Variants in THAP5 observed in about 807,000 individuals in gnomAD.
THAP5 encodes THAP domain containing 5, also known as THAP domain-containing protein 5.
In THAP5, 26 loss-of-function variants were observed where a neutral mutation model predicts 34.0. That is an observed-to-expected ratio of 0.77 (90% confidence interval 0.56 to 1.06). The LOEUF is 1.06. Among genes scored for constraint, THAP5 ranks in the 50% least tolerant of loss-of-function variants. THAP5 has a pLI of 0.00. For synonymous variants in THAP5, 125 were observed against 153.0 expected, an observed-to-expected ratio of 0.82 and a Z score of 1.35; for missense variants, 394 against 452.8, an observed-to-expected ratio of 0.87 and a Z score of 1.18.
chr7:108,543,756 AT>A, the THAP5 span, among the ~76,000 whole-genome samples: 9 of 151,948 alleles, frequency 5.9e-5, no homozygotes, highest in Middle Eastern at 0.01. Context: ...GGTTGGCCCT[AT>A]TTTTTTTATC....
rs745348876 is a variant in THAP5, at chr7:108,565,081, AT to A, written c.297del (p.Lys99AsnfsTer25). On this transcript the variant is annotated frameshift_variant, in exon 3 of 3. Coordinates refer to ENST00000415914, the MANE Select transcript of THAP5 (RefSeq NM_001130475.3). LOFTEE classifies it high-confidence loss of function. ...TCATCTTCCAAGTTTTTCTTCTGGG[AT>A]TTTTTTTTAGAAGGGTCTTTTCCCT... ...DNQGKDPSKKKSQKKNLEDEK... is the reference protein window; with the variant it reads ...DNQGKDPSKKXSQKKNLEDEK... The A allele has an allele frequency of 1.0e-4, 154 of 1,505,718 alleles. No individual in the cohort carries two copies. The highest frequency in any genetic ancestry group is 6.9e-4 in the Middle Eastern group (4 of 5,758). The allele number at this position is 1,505,718 out of a possible 1,614,324, so 93.3% of individuals were successfully genotyped here.
At chr7:108,555,968 G>C (rs1390797867) in intron 1 of THAP5, among the ~76,000 whole-genome samples, 1 of 152,144 alleles carries the variant, frequency 6.6e-6, no homozygotes, top group African/African-American at 2.4e-5. Flanking sequence ...CTCCCAAAGT[G>C]CTGGGATTAC....
chr7:108,558,066 G>A (rs566209285), downstream of THAP5, among the ~76,000 whole-genome samples: 7 of 151,978 alleles, frequency 4.6e-5, no homozygotes, highest in East Asian at 3.9e-4. Flanking sequence ...ACCACATCTC[G>A]TGGAAACTCA....
chr7:108,565,911 G>C lies in THAP5; in HGVS notation c.192C>G (p.Asp64Glu). The C allele has an allele frequency of 1.3e-6, 2 of 1,550,410 alleles. No individual in the cohort carries two copies. The highest frequency in any genetic ancestry group is 1.7e-6 in the Non-Finnish European group (2 of 1,146,810). ...QFLCSDHFTP[D>E]SLDIRWGIRY... The stretch of plus-strand genomic sequence containing the variant: ...GAATACCCCATCTGATGTCAAGAGA[G>C]TCAGGAGTAAAATGGTCACTACATA... The change falls in exon 2 of 3, where the codon GAC becomes GAG. Residue 64 changes from aspartate (D) to glutamate (E), a missense_variant. Physicochemically the swap from Asp to Glu is conservative, Grantham distance 45. Coordinates refer to ENST00000415914, the MANE Select transcript of THAP5 (RefSeq NM_001130475.3).
At chr7:108,553,540 AC>A (rs538754089), downstream of THAP5, among the ~76,000 whole-genome samples, 47 of 152,194 alleles carry the variant, frequency 3.1e-4, no homozygotes, top group Non-Finnish European at 3.4e-4. Context: ...GAAATTTTGA[AC>A]CTTTGTTTCC....
chr7:108,566,290 A>T (rs1267971351), intron 1 of THAP5, among the ~76,000 whole-genome samples: 1 of 152,194 alleles, frequency 6.6e-6, no homozygotes, highest in Non-Finnish European at 1.5e-5. Context: ...CAAGTAAAAT[A>T]TATGTGTTCC....
At chr7:108,553,240 G>A (rs1390723157), downstream of THAP5, among the ~76,000 whole-genome samples, 1 of 151,618 alleles carries the variant, frequency 6.6e-6, no homozygotes, top group Non-Finnish European at 1.5e-5. Flanking sequence ...ACAGGGTCTC[G>A]CTATGTTGCC....
the THAP5 span, among the ~76,000 whole-genome samples, chr7:108,546,827 G>T: frequency 6.6e-6 from 1 of 152,106 alleles, no homozygotes; most frequent in Non-Finnish European, 1.5e-5. Context: ...CTAGTAATGT[G>T]CTTCTACCTC....
At chr7:108,554,626 C>T (rs1564007692) in exon 2 of THAP5, 1 of 152,154 alleles carries the variant, frequency 6.6e-6, no homozygotes, top group Non-Finnish European at 1.5e-5. Flanking sequence ...CTATGGTAAG[C>T]AATTTCAGTG....
At chr7:108,546,110 T>C in the THAP5 span, among the ~76,000 whole-genome samples, 3 of 152,196 alleles carry the variant, frequency 2.0e-5, no homozygotes, top group Non-Finnish European at 2.9e-5. Flanking sequence ...ATAGTACTTA[T>C]TAAATAGCAT....
chr7:108,547,959 C>T, the THAP5 span, among the ~76,000 whole-genome samples: 1 of 152,142 alleles, frequency 6.6e-6, no homozygotes, highest in African/African-American at 2.4e-5. Flanking sequence ...GTGAAAAATG[C>T]CTATGCACAT....
chr7:108,547,785 A>G, the THAP5 span, among the ~76,000 whole-genome samples: 12 of 152,176 alleles, frequency 7.9e-5, no homozygotes, highest in Non-Finnish European at 2.9e-5. Flanking sequence ...AGAATAATCG[A>G]TTTTCCATTT....
the THAP5 span, among the ~76,000 whole-genome samples, chr7:108,548,872 C>G: frequency 2.6e-5 from 4 of 152,130 alleles, no homozygotes; most frequent in African/African-American, 9.7e-5. Context: ...GGTGGGGACA[C>G]AGCCAAACCA....
chr7:108,551,685 A>G (rs1169583520), downstream of THAP5, among the ~76,000 whole-genome samples: 1 of 152,186 alleles, frequency 6.6e-6, no homozygotes, highest in African/African-American at 2.4e-5. Context: ...TCTTGCCCTG[A>G]GTTTCACTGT....
intron 1 of THAP5, among the ~76,000 whole-genome samples, chr7:108,566,258 T>G (rs900677704): frequency 4.6e-5 from 7 of 152,186 alleles, no homozygotes; most frequent in African/African-American, 1.7e-4. Flanking sequence ...TGATAAGAGC[T>G]GAACATAATT....
chr7:108,546,026 G>C, the THAP5 span, among the ~76,000 whole-genome samples: 1 of 152,258 alleles, frequency 6.6e-6, no homozygotes, highest in South Asian at 2.1e-4. Flanking sequence ...TTGAGATTGA[G>C]TAATGTAAAG....
chr7:108,562,054 C>G (rs1026015163), downstream of THAP5, among the ~76,000 whole-genome samples: 9 of 152,256 alleles, frequency 5.9e-5, no homozygotes, highest in African/African-American at 2.2e-4. Flanking sequence ...CTGAAATGCC[C>G]TAGTGAGCAT....
At chr7:108,560,393 C>T (rs781188143), downstream of THAP5, among the ~76,000 whole-genome samples, 9 of 152,300 alleles carry the variant, frequency 5.9e-5, no homozygotes, top group Middle Eastern at 3.4e-3. Context: ...TACCATGTGA[C>T]CCTTCCCCAT....
chr7:108,558,377 G>GTGTGTGTGTATA (rs1401164750), downstream of THAP5, among the ~76,000 whole-genome samples: 7 of 63,006 alleles, frequency 1.1e-4, no homozygotes, highest in East Asian at 3.0e-4. Context: ...ATGTGTGTGT[G>GTGTGTGTGTATA]TATGTATATA....
Sources: allele counts gnomAD v4.1 joint callset (sites outside exome capture counted in the v4.1 genomes callset), GRCh38; gene constraint gnomAD v4.1.1; transcripts MANE v1.5; gene names NCBI Gene and HGNC (gene_info 2026-07-23, HGNC 2026-07-21).